The following RAB9B variants were observed in gnomAD, a reference collection of about 807,000 sequenced individuals.
RAB9B encodes the protein ras-related protein Rab-9B.
RAB9B carries 1 observed loss-of-function variant against 8.9 expected under a neutral mutation model. The observed-to-expected ratio is 0.11, with a 90% CI of 0.04 to 0.53. RAB9B has a LOEUF of 0.53. RAB9B is among the 20% of genes least tolerant of loss of function. The probability of loss-of-function intolerance (pLI) is 0.93; values close to 1 mark genes in which losing one functional copy is unlikely to be tolerated. For missense variants in RAB9B, 82 were observed against 152.9 expected, an observed-to-expected ratio of 0.54 and a Z score of 2.45; for synonymous variants, 63 against 57.0, an observed-to-expected ratio of 1.10 and a Z score of -0.47.
chrX:103,778,623 G>A, the RAB9B span, among the ~76,000 whole-genome samples: 2 of 111,773 alleles, frequency 1.8e-5, no homozygotes, highest in South Asian at 3.8e-4. Context: ...GAGGCTGGGT[G>A]GTTTCCTCCA....
chrX:103,818,109 A>T (rs2074646759), downstream of RAB9B, among the ~76,000 whole-genome samples: 1 of 111,761 alleles, frequency 8.9e-6, no homozygotes, highest in Non-Finnish European at 1.9e-5. Flanking sequence ...CAATATAAAA[A>T]AAGATTTCCT....
At chrX:103,780,437 C>G in the RAB9B span, among the ~76,000 whole-genome samples, 23,663 of 87,600 alleles carry the variant, frequency 0.27, 2,109 homozygotes, top group Non-Finnish European at 0.3. Context: ...TTCTGTCTCT[C>G]TCTGTGTGTG....
chrX:103,828,604 G>A (rs1307103213), intron 1 of RAB9B, among the ~76,000 whole-genome samples: 2 of 111,857 alleles, frequency 1.8e-5, no homozygotes, highest in African/African-American at 3.3e-5. Context: ...GCAAACAGGC[G>A]TTCACATCAT....
At chrX:103,804,843 A>AT in the RAB9B span, among the ~76,000 whole-genome samples, 2 of 111,324 alleles carry the variant, frequency 1.8e-5, no homozygotes, top group East Asian at 5.6e-4. Context: ...AATATGACTG[A>AT]TTTTTGTGTG....
the RAB9B span, among the ~76,000 whole-genome samples, chrX:103,800,903 A>T: frequency 8.9e-6 from 1 of 111,932 alleles, no homozygotes; most frequent in African/African-American, 3.2e-5. Context: ...TGTTTCAAAG[A>T]GTATTAGGAA....
the RAB9B span, among the ~76,000 whole-genome samples, chrX:103,796,765 G>C: frequency 1.0e-5 from 1 of 99,510 alleles, no homozygotes; most frequent in African/African-American, 3.7e-5. Context: ...ATTTGTCAGG[G>C]AGCAGAACCA....
chrX:103,776,966 G>A, the RAB9B span: 7 of 1,199,158 alleles, frequency 5.8e-6, no homozygotes, highest in Admixed American at 4.4e-5. Flanking sequence ...CTAGCCAGCC[G>A]GCTACAATTG....
chrX:103,807,721 G>A, the RAB9B span, among the ~76,000 whole-genome samples: 2 of 8,880 alleles, frequency 2.3e-4, no homozygotes, highest in African/African-American at 9.5e-4. Context: ...TGGCAGGGGT[G>A]GGAGGCTCCC....
At chrX:103,809,297 ATTTC>A in the RAB9B span, among the ~76,000 whole-genome samples, 1 of 111,363 alleles carries the variant, frequency 9.0e-6, no homozygotes, top group Non-Finnish European at 1.9e-5. Context: ...TAAGAGATAA[ATTTC>A]TTTCTTTCTT....
At chrX:103,799,669 C>T in the RAB9B span, among the ~76,000 whole-genome samples, 1 of 111,853 alleles carries the variant, frequency 8.9e-6, no homozygotes, top group African/African-American at 3.2e-5. Context: ...AATTCAATAA[C>T]GCTGTTTTAA....
chrX:103,830,523 CTG>C (rs1242437735), intron 1 of RAB9B, among the ~76,000 whole-genome samples: 4 of 111,867 alleles, frequency 3.6e-5, no homozygotes, highest in Non-Finnish European at 7.5e-5. Context: ...CTGACTCTAA[CTG>C]AGTAAAATAT....
chrX:103,797,150 C>A, the RAB9B span, among the ~76,000 whole-genome samples: 2 of 105,972 alleles, frequency 1.9e-5, no homozygotes, highest in Non-Finnish European at 3.9e-5. Context: ...TGCAGTGGCA[C>A]CGTCTCGGTT....
chrX:103,790,481 C>T, the RAB9B span: 2 of 943,913 alleles, frequency 2.1e-6, no homozygotes, highest in African/African-American at 1.9e-5. Context: ...GGAGGGAGTG[C>T]TTTCTTTTCT....
At chrX:103,795,888 T>A in the RAB9B span, among the ~76,000 whole-genome samples, 2 of 111,421 alleles carry the variant, frequency 1.8e-5, no homozygotes, top group African/African-American at 6.5e-5. Flanking sequence ...AAAAAAAAAA[T>A]TTGTCATTTT....
At chrX:103,786,220 T>C in the RAB9B span, 3 of 1,141,558 alleles carry the variant, frequency 2.6e-6, no homozygotes, top group Non-Finnish European at 2.3e-6. Flanking sequence ...TCCCTGGTTC[T>C]CCAGGTCCCA....
chrX:103,783,309 A>G, the RAB9B span, among the ~76,000 whole-genome samples: 2 of 112,797 alleles, frequency 1.8e-5, no homozygotes, highest in Non-Finnish European at 3.8e-5. Flanking sequence ...TGCAAAGTTC[A>G]TGCTGAGTAA....
At chrX:103,811,043 C>G in the RAB9B span, among the ~76,000 whole-genome samples, 1 of 111,384 alleles carries the variant, frequency 9.0e-6, no homozygotes, top group Non-Finnish European at 1.9e-5. Flanking sequence ...GCCCTAGGAC[C>G]AAGGAGTGGA....
the RAB9B span, among the ~76,000 whole-genome samples, chrX:103,798,596 C>A: frequency 1.8e-5 from 2 of 110,392 alleles, no homozygotes; most frequent in Non-Finnish European, 3.8e-5. Flanking sequence ...ATTTGACTAT[C>A]AAATTTTCAC....
At chrX:103,778,589 C>T in the RAB9B span, among the ~76,000 whole-genome samples, 1 of 111,390 alleles carries the variant, frequency 9.0e-6, no homozygotes, top group Admixed American at 9.5e-5. Context: ...AATAAAGTGA[C>T]CACAGGGACA....
Sources: allele counts gnomAD v4.1 joint callset (sites outside exome capture counted in the v4.1 genomes callset), GRCh38; gene constraint gnomAD v4.1.1; transcripts MANE v1.5; gene names NCBI Gene and HGNC (gene_info 2026-07-23, HGNC 2026-07-21).